The following POMT1 variants were observed in gnomAD, a reference collection of about 807,000 sequenced individuals.
The protein encoded by POMT1 is protein O-mannosyl-transferase 1.
POMT1 carries 85 observed loss-of-function variants against 101.6 expected under a neutral mutation model. That is an observed-to-expected ratio of 0.84 (90% confidence interval 0.70 to 1.00). POMT1 has a LOEUF of 1.00. Among genes scored for constraint, POMT1 ranks in the 50% least tolerant of loss-of-function variants. The pLI is 0.00. For missense variants in POMT1, 857 were observed against 930.4 expected (o/e 0.92, Z 1.03); for synonymous variants, 371 against 383.0 (o/e 0.97, Z 0.37).
Position 131,522,284 on chromosome 9 carries a change from T to C in POMT1, c.2003+60T>C. ...CAGCAGCCCTCTGCTGGGAAGCCCA[T>C]GCGCAGCAAACACATGGGGTGCAGC... is the stretch of plus-strand genomic sequence containing the variant. On this transcript the variant is annotated intron_variant, in intron 19 of 19. Transcript: ENST00000402686. This position sits in a 1 kb window ranked among gnomAD's most constrained non-coding sequence, Gnocchi z 5.5. 1.9e-6 allele frequency: 3 copies of C among 1,604,384 alleles called. No homozygotes were observed. The highest frequency in any genetic ancestry group is 2.5e-6 in the Non-Finnish European group (3 of 1,179,222).
In POMT1 at chr9:131,510,294, T is replaced by C; in HGVS notation, c.734T>C (p.Val245Ala). 1.2e-6 allele frequency: 2 copies of C among 1,614,234 alleles called. No homozygotes were observed. Among genetic ancestry groups the C allele is most frequent in the Non-Finnish European group, 1.7e-6 (2 of 1,180,028 alleles). ...CVFCHLLARA[V>A]ALLVIPVVLY... is the part of the protein sequence containing the mutation. ...TTCTGTCACTTGCTCGCCCGAGCAG[T>C]GGCTTTGCTGGTCATCCCGGTCGTC... Residue 245 changes from valine (V) to alanine (A), a missense_variant, in exon 9 of 20, where the codon GTG (valine) becomes GCG (alanine). By Grantham distance (64) the Val-to-Ala change is moderately conservative. Transcript: ENST00000402686.
At position 131,505,976 on chromosome 9, in the gene POMT1, A is replaced by G. The variant is rs1429658513; in HGVS notation, c.123-138A>G. ...ATCTTAATATTTGGGGATGGGAAAC[A>G]ATTGGGGCAAAAGATCCAGCCTTTG... On this transcript the variant is annotated intron_variant, in intron 2 of 19. Transcript: ENST00000402686. 2.5e-6 allele frequency: 3 copies of G among 1,202,480 alleles called. No homozygotes were observed. The African/African-American group carries it at 4.6e-5, about 18-fold the overall frequency. 74.5% of individuals were successfully genotyped at this position (1,202,480 alleles called of 1,614,324 possible). A position where few individuals can be genotyped will look rare whatever the true frequency, so the allele number is the denominator to read the frequency against.
In POMT1 at chr9:131,510,316, C is replaced by A. The variant is rs1286632929; in HGVS notation, c.756C>A (p.Val252=). Residue 252 remains valine (V), a synonymous_variant, in exon 9 of 20, where the codon GTC becomes GTA. Coordinates refer to ENST00000402686, the MANE Select transcript of POMT1 (RefSeq NM_001077365.2). The part of the protein sequence containing the change: ...ARAVALLVIP[V]VLYLLFFYVH... ...CAGTGGCTTTGCTGGTCATCCCGGT[C>A]GTCCTGTACTTACTGTTCTTCTACG... 1.9e-6 allele frequency: 3 copies of A among 1,614,174 alleles called. No homozygotes were observed. In the Admixed American group the frequency reaches 5.0e-5, roughly 27 times the overall value.
chr9:131,511,460 C>T lies in POMT1; in HGVS notation c.979C>T (p.Pro327Ser). The T allele has an allele frequency of 1.2e-6, 2 of 1,614,060 alleles. No homozygotes were observed. The highest frequency in any genetic ancestry group is 8.5e-7 in the Non-Finnish European group (1 of 1,179,986). ...GCTTCATTCCCACCAGGACACCTAC[C>T]CCATGATGTAAGGTGATGGTTTTAC... The part of the protein sequence containing the change: ...CWLHSHQDTY[P>S]MIYENGRGSS... Residue 327 changes from proline (P) to serine (S), a missense_variant, in exon 10 of 20, where the codon CCC becomes TCC. Transcript: ENST00000402686.
Position 131,518,923 on chromosome 9 carries a change from G to A in POMT1, c.1452G>A (p.Thr484=), listed in dbSNP as rs145164375. 1.7e-5 allele frequency: 28 copies of A among 1,613,788 alleles called. No individual in the cohort carries two copies. The highest frequency in any genetic ancestry group is 2.4e-5 in the Non-Finnish European group (28 of 1,180,044). ...EKLSRGYHGS[T]VWNVEEHRYG... ...TGTCCCGGGGCTACCACGGGAGCACGGTGTGGAACGTGGAGGAGCACCGAT... is the reference window on the plus strand; with the variant it reads ...TGTCCCGGGGCTACCACGGGAGCACAGTGTGGAACGTGGAGGAGCACCGAT... Residue 484 remains threonine, a synonymous_variant, in exon 15 of 20, where the codon ACG becomes ACA. Transcript: ENST00000402686.
In POMT1 at chr9:131,518,965, C is replaced by T. The variant is rs750770741; in HGVS notation, c.1486+8C>T. 8.7e-6 allele frequency: 14 copies of T among 1,613,326 alleles called. No homozygotes were observed. In the Middle Eastern group the frequency reaches 5.0e-4, roughly 58 times the overall value. On this transcript the variant is annotated splice_region_variant and intron_variant, in intron 15 of 19. Transcript: ENST00000402686. ...AGCACCGATACGGCGCGAGTGAGTC[C>T]GCGGCGTGGCTTCCGCCGCTCCTGG...
chr9:131,515,271 C>T lies in POMT1; in HGVS notation c.1176-155C>T, dbSNP rs548956630. Among the ~76,000 whole-genome samples the T allele has an allele frequency of 2.6e-5, 4 of 152,356 alleles. No individual in the cohort carries two copies. In the East Asian group the frequency reaches 5.8e-4, roughly 22 times the overall value. On this transcript the variant is annotated intron_variant, in intron 12 of 19. Coordinates refer to ENST00000402686, the MANE Select transcript of POMT1 (RefSeq NM_001077365.2). ...TCCCATCGCCGAGCCTCAAGACCTCCGTCCTCAGTAGCAGCAACTCATGGG... is the reference window on the plus strand; with the variant it reads ...TCCCATCGCCGAGCCTCAAGACCTCTGTCCTCAGTAGCAGCAACTCATGGG...
At chr9:131,512,218 CCCTT>C in intron 11 of POMT1, 82 bp downstream of exon 11, 1 of 1,560,046 alleles carries the variant, frequency 6.4e-7, no homozygotes, top group South Asian at 1.2e-5. Context: ...GTCCTGGGCC[CCCTT>C]CTTTCCCTCC....
At position 131,510,628 on chromosome 9, in the gene POMT1, C is replaced by A. The variant is rs915209367; in HGVS notation, c.855+213C>A. The A allele has an allele frequency of 1.8e-5, 12 of 651,214 alleles. No homozygotes were observed. In the African/African-American group the frequency reaches 2.2e-4, roughly 12 times the overall value. 40.3% of individuals were successfully genotyped at this position (651,214 alleles called of 1,614,324 possible). A position where few individuals can be genotyped will look rare whatever the true frequency, so the allele number is the denominator to read the frequency against. ...AAGCGATTCTCCTACCTCAGCCTCC[C>A]AAGTAGCTGGTATTACAAGCACCTG... On this transcript the variant is annotated intron_variant, in intron 9 of 19. Coordinates refer to ENST00000402686, the MANE Select transcript of POMT1 (RefSeq NM_001077365.2).
intron 9 of POMT1, chr9:131,511,104 C>G: frequency 2.0e-6 from 1 of 511,586 alleles, no homozygotes; most frequent in East Asian, 3.3e-5. Flanking sequence ...ATAGGGTGCG[C>G]GTGGAAGGCT....
At chr9:131,513,923 G>A (rs576828294) in intron 12 of POMT1, among the ~76,000 whole-genome samples, 5 of 152,136 alleles carry the variant, frequency 3.3e-5, no homozygotes, top group Admixed American at 6.5e-5. Context: ...GCCCAGTCCC[G>A]GGGCTACCTC....
chr9:131,510,574 C>T (rs1946904344), intron 9 of POMT1, 159 bp downstream of exon 9: 3 of 1,036,984 alleles, frequency 2.9e-6, no homozygotes, highest in South Asian at 2.8e-5. Context: ...GAGTCTTACT[C>T]TGTCACCCAA....
rs748716685 is a variant in POMT1, at chr9:131,522,948, A to T, written c.2020A>T (p.Ser674Cys). The T allele has an allele frequency of 6.3e-7, 1 of 1,594,750 alleles. No individual in the cohort carries two copies. The highest frequency in any genetic ancestry group is 8.5e-7 in the Non-Finnish European group (1 of 1,172,766). ...DHLCRSQLQR[S>C]IFSALVVAWY... ...CCTCTGCAGGTCCCAGCTCCAGAGG[A>T]GCATCTTCAGCGCCCTGGTGGTGGC... is the stretch of plus-strand genomic sequence containing the variant. Residue 674 changes from serine (S) to cysteine (C), a missense_variant, in exon 20 of 20, where the codon AGC becomes TGC. Physicochemically the swap from Ser to Cys is moderately radical, Grantham distance 112. Transcript: ENST00000402686. The surrounding 1 kb of genome is among the most constrained non-coding windows in gnomAD (Gnocchi z 5.5).
At chr9:131,510,152 A>ATGG in intron 8 of POMT1, 108 bp from the exon 9 acceptor site, 1 of 1,606,490 alleles carries the variant, frequency 6.2e-7, no homozygotes, top group Admixed American at 1.7e-5. Flanking sequence ...GTGCCTCTGT[A>ATGG]TGGGAGGCCA....
chr9:131,519,033 T>G lies in POMT1; in HGVS notation c.1486+76T>G. ...TCAATATTTGATAACACCCCAGAGT[T>G]CTCATTTTGGTGGGAAGGGAACTGA... On this transcript the variant is annotated intron_variant, in intron 15 of 19. Transcript: ENST00000402686. The surrounding 1 kb of genome is among the most constrained non-coding windows in gnomAD (Gnocchi z 4.3). 1 of 1,601,246 alleles carries G rather than the reference T, an allele frequency of 6.2e-7. No individual in the cohort carries two copies. Among genetic ancestry groups the G allele is most frequent in the Non-Finnish European group, 8.5e-7 (1 of 1,177,196 alleles).
chr9:131,510,715 AGTCTG>A (rs1946928708), intron 9 of POMT1: 1 of 410,096 alleles, frequency 2.4e-6, no homozygotes, highest in South Asian at 2.1e-5. Flanking sequence ...CATGTTGGTC[AGTCTG>A]GTCTGGAACT....
intron 5 of POMT1, 66 bp from the exon 6 acceptor site, chr9:131,508,832 TTTTTTCATGAGTG>T: frequency 9.5e-7 from 1 of 1,048,072 alleles, no homozygotes; most frequent in Non-Finnish European, 1.5e-6. Context: ...AAGTAATGCC[TTTTTTCATGAGTG>T]TTTTTCATCC....
Position 131,511,435 on chromosome 9 carries a change from G to C in POMT1, c.954G>C (p.Trp318Cys), listed in dbSNP as rs764647819. 1 of 1,614,196 alleles carries C rather than the reference G, an allele frequency of 6.2e-7. No individual in the cohort carries two copies. The highest frequency in any genetic ancestry group is 8.5e-7 in the Non-Finnish European group (1 of 1,180,036). The change falls in exon 10 of 20, where the codon TGG (tryptophan) becomes TGC (cysteine). Residue 318 changes from tryptophan to cysteine, a missense_variant. Physicochemically the swap from Trp to Cys is radical, Grantham distance 215. Transcript: ENST00000402686. ...RNVFGKPVPCWLHSHQDTYPM... is the reference protein window; with the variant it reads ...RNVFGKPVPCCLHSHQDTYPM... ...TCTTTGGGAAACCTGTGCCCTGCTG[G>C]CTTCATTCCCACCAGGACACCTACC...
At position 131,504,234 on chromosome 9, in the gene POMT1, A is replaced by T; in HGVS notation, c.16A>T (p.Lys6Ter). The T allele has an allele frequency of 6.2e-7, 1 of 1,614,040 alleles. No individual in the cohort carries two copies. The highest frequency in any genetic ancestry group is 8.5e-7 in the Non-Finnish European group (1 of 1,179,990). Residue 6 changes from lysine to a stop codon, truncating the protein, a stop_gained, in exon 2 of 20, where the codon AAG (lysine) becomes TAG (stop). Transcript: ENST00000402686. LOFTEE classifies it high-confidence loss of function. MWGFL[K>*]RPVVVTADIN... ...TTTCTACAAGATGTGGGGATTTTTG[A>T]AGCGCCCTGTAGTGGTGACGGCTGA...
Sources: gnomAD v4.1 joint callset for allele counts (sites outside exome capture counted in the v4.1 genomes callset) on GRCh38, gnomAD v4.1.1 for gene constraint, Gnocchi (gnomAD v3.1) non-coding constraint, MANE v1.5 for transcripts, NCBI Gene and HGNC (gene_info 2026-07-23, HGNC 2026-07-21) for gene names.